The following ARHGEF10 variants were observed in gnomAD, a reference collection of about 807,000 sequenced individuals.
ARHGEF10 encodes Rho guanine nucleotide exchange factor 10.
ARHGEF10 carries 140 observed loss-of-function variants against 147.4 expected under a neutral mutation model. The observed-to-expected ratio is 0.95, with a 90% CI of 0.83 to 1.09. ARHGEF10 has a LOEUF of 1.09. ARHGEF10 is among the 50% of genes least tolerant of loss of function. The probability of loss-of-function intolerance (pLI) is 0.00; values close to 1 mark genes in which losing one functional copy is unlikely to be tolerated. For synonymous variants in ARHGEF10, 902 were observed against 695.8 expected, an observed-to-expected ratio of 1.30 and a Z score of -4.67; for missense variants, 2,222 against 1,752.7, an observed-to-expected ratio of 1.27 and a Z score of -4.78.
chr8:1,877,815 A>G (rs1380117288), intron 8 of ARHGEF10, among the ~76,000 whole-genome samples: 13 of 151,904 alleles, frequency 8.6e-5, no homozygotes, highest in Non-Finnish European at 1.5e-5. Context: ...CTGAGATGGA[A>G]GCCACACGCA....
chr8:1,882,104 A>C (rs1333551794), intron 9 of ARHGEF10, among the ~76,000 whole-genome samples: 1 of 152,116 alleles, frequency 6.6e-6, no homozygotes, highest in African/African-American at 2.4e-5. Flanking sequence ...ACCCTCCCTC[A>C]GGTGTGTCCC....
intron 2 of ARHGEF10, among the ~76,000 whole-genome samples, chr8:1,854,540 G>C (rs1319060441): frequency 6.8e-6 from 1 of 147,682 alleles, no homozygotes; most frequent in Non-Finnish European, 1.5e-5. Context: ...ATGGAGGGCA[G>C]CTCCGCCAGT....
Position 1,915,974 on chromosome 8 carries a change from C to G in ARHGEF10, c.2143+6504C>G, listed in dbSNP as rs73544754. On this transcript the variant is annotated intron_variant, in intron 18 of 28. Transcript: ENST00000349830. ...CTTCTATTCAGGGTCACGGCCCTGT[C>G]CAGGACCTGACAGCCAGCGTCTCAG... 9.5e-3 allele frequency among the ~76,000 whole-genome samples: 1,445 copies of G among 152,318 alleles called. 28 individuals carry two copies. Among genetic ancestry groups the G allele is most frequent in the African/African-American group, 0.032 (1,313 of 41,566 alleles).
intron 28 of ARHGEF10, among the ~76,000 whole-genome samples, chr8:1,955,649 C>T (rs1261990844): frequency 6.5e-5 from 8 of 123,690 alleles, no homozygotes; most frequent in Non-Finnish European, 5.6e-5. Context: ...AGGAGGTGCA[C>T]TCTCACTGTT....
chr8:1,943,407 G>A (rs1041401166), intron 26 of ARHGEF10, among the ~76,000 whole-genome samples: 3 of 152,146 alleles, frequency 2.0e-5, no homozygotes, highest in African/African-American at 7.2e-5. Flanking sequence ...TGTCAGGGAA[G>A]TGTGGGCCTG....
At position 1,948,219 on chromosome 8, in the gene ARHGEF10, C is replaced by T. The variant is rs1814750102; in HGVS notation, c.3397+2564C>T. ...CGCCCACTCTCCCGGGCCCCTCCAA[C>T]ATCCTGGGCTGGCTCTCCATGGCCA... On this transcript the variant is annotated intron_variant, in intron 27 of 28. Coordinates refer to ENST00000349830, the MANE Select transcript of ARHGEF10 (RefSeq NM_014629.4). The surrounding 1 kb of genome is among the most constrained non-coding windows in gnomAD (Gnocchi z 4.9). 6.6e-6 allele frequency among the ~76,000 whole-genome samples: 1 copy of T among 152,170 alleles called. No individual in the cohort carries two copies. The highest frequency in any genetic ancestry group is 1.5e-5 in the Non-Finnish European group (1 of 68,022).
intron 7 of ARHGEF10, among the ~76,000 whole-genome samples, chr8:1,874,115 A>T (rs1269010902): frequency 6.6e-6 from 1 of 152,226 alleles, no homozygotes; most frequent in East Asian, 1.9e-4. Flanking sequence ...TAGAACCACA[A>T]ATCTGCCAGC....
intron 26 of ARHGEF10, among the ~76,000 whole-genome samples, chr8:1,941,310 AC>A (rs1444739282): frequency 1.3e-5 from 2 of 152,258 alleles, no homozygotes; most frequent in Non-Finnish European, 2.9e-5. Flanking sequence ...ATTTCTATAC[AC>A]TAGCAGCAAA....
intron 1 of ARHGEF10, among the ~76,000 whole-genome samples, chr8:1,826,328 A>G (rs558834825): frequency 6.6e-6 from 1 of 152,152 alleles, no homozygotes; most frequent in African/African-American, 2.4e-5. Context: ...TTGTGTGTGC[A>G]TACGTGTGCG....
chr8:1,853,200 T>G (rs531972237), intron 2 of ARHGEF10, among the ~76,000 whole-genome samples: 2 of 152,290 alleles, frequency 1.3e-5, no homozygotes, highest in East Asian at 3.9e-4. Flanking sequence ...CCTGCCGTCC[T>G]GAGTGGGCAG....
intron 1 of ARHGEF10, among the ~76,000 whole-genome samples, chr8:1,828,806 G>A (rs1421992178): frequency 1.3e-5 from 2 of 151,472 alleles, no homozygotes; most frequent in South Asian, 2.1e-4. Context: ...TTGATAAACC[G>A]TGGCATGCAC....
chr8:1,883,782 C>G (rs943126787), intron 10 of ARHGEF10, among the ~76,000 whole-genome samples: 2 of 152,292 alleles, frequency 1.3e-5, no homozygotes. Flanking sequence ...CCATATTACA[C>G]AGCCCCTGGA....
rs1192507043 is a variant in ARHGEF10 at position 1,850,093 on chromosome 8, AGGAGGGCGTGG to A, written c.37+6659_37+6669del. ...GCGTGGACACAGAGGGCAAATGCTG[AGGAGGGCGTGG>A]GCCGGCTGCATGGACACAGAGGGCA... is the stretch of plus-strand genomic sequence containing the variant. On this transcript the variant is annotated intron_variant, in intron 2 of 28. Transcript: ENST00000349830. Among the ~76,000 whole-genome samples, 189 of 127,222 alleles carry A rather than the reference AGGAGGGCGTGG, an allele frequency of 1.5e-3. 9 individuals are homozygous for A. Among genetic ancestry groups the A allele is most frequent in the Non-Finnish European group, 2.3e-3 (135 of 58,816 alleles). The allele number at this position is 127,222 out of a possible 152,430, so 83.5% of individuals were successfully genotyped here. A position where few individuals can be genotyped will look rare whatever the true frequency, so the allele number is the denominator to read the frequency against.
intron 4 of ARHGEF10, among the ~76,000 whole-genome samples, chr8:1,864,110 C>G (rs896633136): frequency 1.3e-5 from 2 of 152,094 alleles, no homozygotes; most frequent in Non-Finnish European, 2.9e-5. Flanking sequence ...TTCTTTCTAA[C>G]TCTAGCCTGA....
chr8:1,842,524 G>C (rs1258416159), intron 1 of ARHGEF10, among the ~76,000 whole-genome samples: 1 of 152,202 alleles, frequency 6.6e-6, no homozygotes, highest in African/African-American at 2.4e-5. Flanking sequence ...GTGACACTCA[G>C]GGACCATGCC....
chr8:1,900,722 T>C (rs1810384894), intron 15 of ARHGEF10, among the ~76,000 whole-genome samples: 1 of 152,214 alleles, frequency 6.6e-6, no homozygotes, highest in Non-Finnish European at 1.5e-5. Context: ...ATTCCAGTTA[T>C]GTAATAAACT....
intron 11 of ARHGEF10, among the ~76,000 whole-genome samples, chr8:1,887,950 G>C (rs1808835404): frequency 6.6e-6 from 1 of 151,092 alleles, no homozygotes; most frequent in Admixed American, 6.6e-5. Flanking sequence ...TGGGGTGAGG[G>C]GTCTGTGATG....
At position 1,922,738 on chromosome 8, in the gene ARHGEF10, A is replaced by C. The variant is rs374338515; in HGVS notation, c.2144-226A>C. Among the ~76,000 whole-genome samples the C allele has an allele frequency of 1.2e-4, 19 of 152,330 alleles. No individual in the cohort carries two copies. In the East Asian group the frequency reaches 2.7e-3, roughly 22 times the overall value. The stretch of plus-strand genomic sequence containing the variant: ...TCCTCTGAGGAAGCCAGGCCTGGGC[A>C]TTCAGGAGGCAGCTCTTTGCAACTT... On this transcript the variant is annotated intron_variant, in intron 18 of 28. Coordinates refer to ENST00000349830, the MANE Select transcript of ARHGEF10 (RefSeq NM_014629.4).
chr8:1,877,817 C>A (rs1006665022), intron 8 of ARHGEF10, among the ~76,000 whole-genome samples: 1 of 151,912 alleles, frequency 6.6e-6, no homozygotes. Flanking sequence ...GAGATGGAAG[C>A]CACACGCAGT....
Sources: allele counts gnomAD v4.1 joint callset (sites outside exome capture counted in the v4.1 genomes callset), GRCh38; gene constraint gnomAD v4.1.1; non-coding constraint Gnocchi (gnomAD v3.1); transcripts MANE v1.5; gene names NCBI Gene and HGNC (gene_info 2026-07-23, HGNC 2026-07-21).